The following TSHZ2 variants were observed in gnomAD, a reference collection of about 807,000 sequenced individuals.
TSHZ2 encodes the protein teashirt zinc finger homeobox 2, also known as teashirt homolog 2.
In TSHZ2, 21 loss-of-function variants were observed where a neutral mutation model predicts 74.4. That is an observed-to-expected ratio of 0.28 (90% CI 0.20 to 0.41). TSHZ2 has a LOEUF of 0.41. Among genes scored for constraint, TSHZ2 ranks in the 10% least tolerant of loss-of-function variants. TSHZ2 has a pLI of 1.00. For missense variants in TSHZ2, 1,244 were observed against 1,293.5 expected, an observed-to-expected ratio of 0.96 and a Z score of 0.59; for synonymous variants, 540 against 515.3, an observed-to-expected ratio of 1.05 and a Z score of -0.65.
intron 2 of TSHZ2, among the ~76,000 whole-genome samples, chr20:53,304,855 C>T (rs937799611): frequency 2.0e-5 from 3 of 152,116 alleles, no homozygotes; most frequent in African/African-American, 7.2e-5. Flanking sequence ...TGGTCTCGAT[C>T]TCCTGACCTC....
chr20:53,251,168 C>G (rs1990321300), intron 1 of TSHZ2, among the ~76,000 whole-genome samples: 1 of 152,150 alleles, frequency 6.6e-6, no homozygotes, highest in African/African-American at 2.4e-5. Flanking sequence ...TTACGTTACC[C>G]ACAGGTGTTG....
intron 1 of TSHZ2, among the ~76,000 whole-genome samples, chr20:53,217,967 T>C (rs1483567368): frequency 6.6e-6 from 1 of 152,210 alleles, no homozygotes; most frequent in Non-Finnish European, 1.5e-5. Flanking sequence ...AAAGCATAGA[T>C]TCTCCTCCCT....
chr20:53,192,299 A>AC (rs1600733021), intron 1 of TSHZ2, among the ~76,000 whole-genome samples: 1 of 152,002 alleles, frequency 6.6e-6, no homozygotes, highest in East Asian at 1.9e-4. Context: ...GGCTAAAAAA[A>AC]AAAAAAAACA....
At chr20:53,139,051 C>G (rs967087066) in intron 1 of TSHZ2, among the ~76,000 whole-genome samples, 14 of 152,214 alleles carry the variant, frequency 9.2e-5, no homozygotes, top group African/African-American at 3.4e-4. Context: ...GAAAGTTGTT[C>G]TGACAGTGTT....
chr20:53,327,922 C>T (rs925222001), intron 2 of TSHZ2, among the ~76,000 whole-genome samples: 2 of 152,128 alleles, frequency 1.3e-5, no homozygotes, highest in African/African-American at 4.8e-5. Context: ...CAGCCCAAGG[C>T]GAGAGTGCAC....
intron 2 of TSHZ2, among the ~76,000 whole-genome samples, chr20:53,269,578 G>A (rs1315095674): frequency 6.6e-6 from 1 of 152,196 alleles, no homozygotes; most frequent in Admixed American, 6.5e-5. Context: ...ATGATATGAT[G>A]ATGGTGATGA....
chr20:53,048,315 A>G (rs755634957), intron 1 of TSHZ2, among the ~76,000 whole-genome samples: 3 of 151,290 alleles, frequency 2.0e-5, no homozygotes, highest in Non-Finnish European at 4.4e-5. Flanking sequence ...GGGAGGAGAG[A>G]GAGAGAGAGA....
intron 1 of TSHZ2, among the ~76,000 whole-genome samples, chr20:53,218,140 G>T (rs1248484535): frequency 6.6e-6 from 1 of 152,208 alleles, no homozygotes; most frequent in East Asian, 1.9e-4. Flanking sequence ...TCATGATGTT[G>T]TCCTTTATTC....
At chr20:53,373,818 A>G (rs1981564074) in intron 2 of TSHZ2, among the ~76,000 whole-genome samples, 1 of 152,162 alleles carries the variant, frequency 6.6e-6, no homozygotes, top group Non-Finnish European at 1.5e-5. Context: ...GATGGGGCCT[A>G]TGTAGAATTC....
intron 1 of TSHZ2, among the ~76,000 whole-genome samples, chr20:53,231,486 GC>G (rs1989823523): frequency 6.6e-6 from 1 of 152,190 alleles, no homozygotes; most frequent in African/African-American, 2.4e-5. Flanking sequence ...CTGAACCCAA[GC>G]CATGAAAAGG....
In TSHZ2 at chr20:53,356,076, G is replaced by A. The variant is rs536626266; in HGVS notation, c.*8+99505G>A. Among the ~76,000 whole-genome samples, 37 of 152,284 alleles carry A rather than the reference G, an allele frequency of 2.4e-4. 1 individual carries two copies. In the South Asian group the frequency reaches 7.1e-3, roughly 29 times the overall value. ...AATTCACACAGGACATTGCATTGCA[G>A]GCCTGATACTGAGGGTGCTTCATGT... On this transcript the variant is annotated intron_variant, in intron 2 of 2. Transcript: ENST00000371497.
chr20:53,058,864 A>G (rs1262768996), intron 1 of TSHZ2, among the ~76,000 whole-genome samples: 1 of 152,230 alleles, frequency 6.6e-6, no homozygotes, highest in African/African-American at 2.4e-5. Context: ...TTTGTCTTGG[A>G]GATGACTTGG....
At chr20:53,185,139 C>A in intron 1 of TSHZ2, 1 of 940,772 alleles carries the variant, frequency 1.1e-6, no homozygotes, top group Non-Finnish European at 1.3e-6. Flanking sequence ...CTTTTTATGA[C>A]CCAGAATTAT....
chr20:53,162,682 G>T (rs981114506), intron 1 of TSHZ2, among the ~76,000 whole-genome samples: 5 of 152,184 alleles, frequency 3.3e-5, no homozygotes, highest in African/African-American at 1.2e-4. Context: ...ATTAGTGGGG[G>T]TGTTGCATGG....
At chr20:52,976,230 C>A (rs533429649) in intron 1 of TSHZ2, among the ~76,000 whole-genome samples, 2 of 152,310 alleles carry the variant, frequency 1.3e-5, no homozygotes, top group East Asian at 3.9e-4. Context: ...GTTCCTCCCC[C>A]TTCAGGGGGA....
chr20:53,475,366 G>A (rs57056593), intron 2 of TSHZ2, among the ~76,000 whole-genome samples: 7,204 of 107,262 alleles, frequency 0.067, 413 homozygotes, highest in East Asian at 0.16. Flanking sequence ...ACTCAAAACC[G>A]CTCAACTACA....
chr20:53,285,602 T>C (rs886768185), intron 2 of TSHZ2, among the ~76,000 whole-genome samples: 1 of 151,924 alleles, frequency 6.6e-6, no homozygotes, highest in Non-Finnish European at 1.5e-5. Context: ...TCCAGCTACT[T>C]GGGAGGCTGA....
chr20:53,176,012 AGAT>A (rs1427616983), intron 1 of TSHZ2, among the ~76,000 whole-genome samples: 1 of 152,240 alleles, frequency 6.6e-6, no homozygotes, highest in African/African-American at 2.4e-5. Flanking sequence ...GCTGTGAAGA[AGAT>A]GAGTGTGCAC....
chr20:53,018,377 C>A (rs1372619101), intron 1 of TSHZ2, among the ~76,000 whole-genome samples: 5 of 152,300 alleles, frequency 3.3e-5, no homozygotes, highest in African/African-American at 1.2e-4. Flanking sequence ...ATGAAGTGAG[C>A]TCATTGGCTT....
Sources: allele counts gnomAD v4.1 joint callset (sites outside exome capture counted in the v4.1 genomes callset), GRCh38; gene constraint gnomAD v4.1.1; transcripts MANE v1.5; gene names NCBI Gene and HGNC (gene_info 2026-07-23, HGNC 2026-07-21).